The following ZNF529 variants were observed in gnomAD, a reference collection of about 807,000 sequenced individuals.
ZNF529 encodes the protein zinc finger protein 529.
Under a neutral mutation model 10.1 loss-of-function variants are expected in ZNF529, and 11 were observed. That is an observed-to-expected ratio of 1.09 (90% CI 0.69 to 1.81). The LOEUF (loss-of-function observed/expected upper bound fraction) is 1.81, where lower values mean the gene tolerates loss of function less well. ZNF529 is among the 40% of genes most tolerant of loss of function. The probability of loss-of-function intolerance (pLI) is 0.00; values close to 1 mark genes in which losing one functional copy is unlikely to be tolerated. For synonymous variants in ZNF529, 204 were observed against 215.7 expected, an observed-to-expected ratio of 0.95 and a Z score of 0.47; for missense variants, 624 against 666.8, an observed-to-expected ratio of 0.94 and a Z score of 0.71.
chr19:36,604,190 C>A (rs992366505), intron 1 of ZNF529, among the ~76,000 whole-genome samples: 11 of 152,190 alleles, frequency 7.2e-5, no homozygotes, highest in South Asian at 2.1e-4. Flanking sequence ...CACACACACA[C>A]ACAAAATCTT....
At chr19:36,571,340 A>G (rs2145844348) in intron 2 of ZNF529, among the ~76,000 whole-genome samples, 1 of 152,336 alleles carries the variant, frequency 6.6e-6, no homozygotes, top group East Asian at 1.9e-4. Flanking sequence ...TAAATAAAAT[A>G]CATTACCAAA....
chr19:36,592,487 G>A (rs112962437), intron 1 of ZNF529, among the ~76,000 whole-genome samples: 19 of 151,052 alleles, frequency 1.3e-4, no homozygotes, highest in African/African-American at 4.6e-4. Flanking sequence ...ACAGATACTC[G>A]GGAAGCTGAA....
Position 36,548,259 on chromosome 19 carries a change from C to A in ZNF529, c.299G>T (p.Gly100Val). 2 of 1,613,024 alleles carry A rather than the reference C, an allele frequency of 1.2e-6. No individual in the cohort carries two copies. The highest frequency in any genetic ancestry group is 1.7e-4 in the Middle Eastern group (1 of 6,060). The change falls in exon 5 of 5, where the codon GGT (glycine) becomes GTT (valine). Residue 100 changes from glycine to valine, a missense_variant. Physicochemically the swap from Gly to Val is moderately radical, Grantham distance 109. Transcript: ENST00000591340. ...SVGKDIIQNT[G>V]SQWEVMESSK... ...ACTTTCCATTACCTCCCACTGAGAA[C>A]CAGTGTTTTGAATAATATCTTTTCC...
chr19:36,575,012 G>A (rs3108597), upstream of ZNF529: 154,046 of 439,936 alleles, frequency 0.35, 27,980 homozygotes, highest in South Asian at 0.41. Context: ...AGTTTGCTTT[G>A]CTATGTTTGT....
At chr19:36,551,555 A>T (rs986691399) in intron 4 of ZNF529, among the ~76,000 whole-genome samples, 3 of 152,192 alleles carry the variant, frequency 2.0e-5, no homozygotes, top group Non-Finnish European at 4.4e-5. Flanking sequence ...GTGGCTACTT[A>T]CTTACAGTAA....
intron 2 of ZNF529, among the ~76,000 whole-genome samples, chr19:36,589,339 C>G (rs2145266766): frequency 6.6e-6 from 1 of 152,250 alleles, no homozygotes; most frequent in African/African-American, 2.4e-5. Flanking sequence ...ATGCTATTTC[C>G]AGGCAGATAG....
intron 1 of ZNF529, 101 bp from the exon 2 acceptor site, chr19:36,572,493 A>C: frequency 1.2e-6 from 1 of 867,732 alleles, no homozygotes; most frequent in Non-Finnish European, 1.8e-6. Flanking sequence ...CAACAAACAC[A>C]CCCAGATCGA....
At chr19:36,563,748 C>T (rs1292924848) in intron 2 of ZNF529, among the ~76,000 whole-genome samples, 1 of 152,194 alleles carries the variant, frequency 6.6e-6, no homozygotes, top group African/African-American at 2.4e-5. Flanking sequence ...CTACCAAGGA[C>T]ATTCTTCACA....
chr19:36,561,627 T>C (rs1482648145), intron 2 of ZNF529, among the ~76,000 whole-genome samples: 1 of 152,094 alleles, frequency 6.6e-6, no homozygotes, highest in Admixed American at 6.5e-5. Context: ...AGTGGAGTCA[T>C]ACAGGCTGTG....
intron 3 of ZNF529, 148 bp from the exon 4 acceptor site, chr19:36,554,944 G>T: frequency 3.4e-6 from 2 of 590,060 alleles, no homozygotes; most frequent in Non-Finnish European, 5.2e-6. Flanking sequence ...GGAAATTAGT[G>T]CTTCCAAACC....
At chr19:36,567,002 C>T (rs1199399070) in intron 2 of ZNF529, among the ~76,000 whole-genome samples, 1 of 149,348 alleles carries the variant, frequency 6.7e-6, no homozygotes, top group African/African-American at 2.5e-5. Context: ...GGCAACAGAG[C>T]GAGACTGTCT....
chr19:36,561,018 A>G (rs1280017917), intron 2 of ZNF529, among the ~76,000 whole-genome samples: 1 of 152,204 alleles, frequency 6.6e-6, no homozygotes, highest in East Asian at 1.9e-4. Context: ...GCTAGAAAGA[A>G]GCCAGGTGTT....
intron 4 of ZNF529, among the ~76,000 whole-genome samples, chr19:36,554,441 A>G (rs895475098): frequency 6.6e-6 from 1 of 152,040 alleles, no homozygotes; most frequent in Non-Finnish European, 1.5e-5. Flanking sequence ...AGATGGGCAT[A>G]GTGGCGGGCT....
rs1406904167 is a variant in ZNF529, at chr19:36,601,044, A to AG, written c.-128+4081dup. On this transcript the variant is annotated intron_variant, in intron 1 of 4. Coordinates refer to the ZNF529 transcript ENST00000585960. ...AATTATGTAACTTGGAAAAAAAAAA[A>AG]GACACCTCATGCTGCCAAACCTCAT... Among the ~76,000 whole-genome samples, 9 of 152,186 alleles carry AG rather than the reference A, an allele frequency of 5.9e-5. No homozygotes were observed. The East Asian group carries it at 1.4e-3, about 23-fold the overall frequency.
intron 4 of ZNF529, among the ~76,000 whole-genome samples, chr19:36,551,012 G>T (rs1195273917): frequency 8.5e-5 from 13 of 152,276 alleles, no homozygotes; most frequent in Middle Eastern, 3.4e-3. Flanking sequence ...AAATAAACCA[G>T]ATAATAAGCC....
chr19:36,553,471 G>A (rs1392708761), intron 4 of ZNF529, among the ~76,000 whole-genome samples: 1 of 151,942 alleles, frequency 6.6e-6, no homozygotes, highest in African/African-American at 2.4e-5. Context: ...CTTAGGATGG[G>A]GCCAAGTAGA....
At chr19:36,592,512 T>G (rs1299588624) in intron 1 of ZNF529, among the ~76,000 whole-genome samples, 1 of 150,196 alleles carries the variant, frequency 6.7e-6, no homozygotes, top group Non-Finnish European at 1.5e-5. Context: ...GAGAATCGCT[T>G]GAACCTGGGA....
At chr19:36,568,560 C>T (rs1470071634) in intron 2 of ZNF529, among the ~76,000 whole-genome samples, 1 of 151,778 alleles carries the variant, frequency 6.6e-6, no homozygotes, top group East Asian at 1.9e-4. Flanking sequence ...CAACCTCTGC[C>T]TCCCAGGTTC....
chr19:36,558,665 G>A lies in ZNF529; in HGVS notation c.15-2468C>T, dbSNP rs1201183670. On this transcript the variant is annotated intron_variant, in intron 2 of 4. Coordinates refer to ENST00000591340, the MANE Select transcript of ZNF529 (RefSeq NM_020951.5). ...AATGGATTAAAGTCTTAAATATAAG[G>A]CCTGAAACTATAAAAATCCTAGAAG... Among the ~76,000 whole-genome samples the A allele has an allele frequency of 3.9e-5, 6 of 151,976 alleles. No homozygotes were observed. In the East Asian group the frequency reaches 1.2e-3, roughly 29 times the overall value.
Sources: gnomAD v4.1 joint callset for allele counts (sites outside exome capture counted in the v4.1 genomes callset) on GRCh38, gnomAD v4.1.1 for gene constraint, MANE v1.5 for transcripts, NCBI Gene and HGNC (gene_info 2026-07-23, HGNC 2026-07-21) for gene names.